The following MGAT4C variants were observed in gnomAD, a reference collection of about 807,000 sequenced individuals.
The protein encoded by MGAT4C is MGAT4 family member C, also known as alpha-1,3-mannosyl-glycoprotein 4-beta-N-acetylglucosaminyltransferase C.
Under a neutral mutation model 40.1 loss-of-function variants are expected in MGAT4C, and 19 were observed. That is an observed-to-expected ratio of 0.47 (90% confidence interval 0.33 to 0.70). The LOEUF (loss-of-function observed/expected upper bound fraction) is 0.70, where lower values mean the gene tolerates loss of function less well. MGAT4C is among the 30% of genes least tolerant of loss of function. MGAT4C has a pLI of 0.02. For missense variants in MGAT4C, 491 were observed against 563.2 expected (o/e 0.87, Z 1.30); for synonymous variants, 181 against 187.1 (o/e 0.97, Z 0.27).
chr12:86,672,698 A>T (rs1397441340), intron 2 of MGAT4C, among the ~76,000 whole-genome samples: 1 of 152,240 alleles, frequency 6.6e-6, no homozygotes, highest in Non-Finnish European at 1.5e-5. Context: ...ATAAGTGTAA[A>T]CTAAACATTG....
chr12:86,664,151 T>G (rs1964045126), intron 2 of MGAT4C, among the ~76,000 whole-genome samples: 1 of 151,958 alleles, frequency 6.6e-6, no homozygotes. Flanking sequence ...TTTTTTGTAC[T>G]TCAATGAACT....
intron 2 of MGAT4C, among the ~76,000 whole-genome samples, chr12:86,010,974 C>T (rs1021778837): frequency 6.6e-6 from 1 of 152,106 alleles, no homozygotes; most frequent in Non-Finnish European, 1.5e-5. Flanking sequence ...GAGGCCCTCA[C>T]CAGAAGCCAC....
intron 4 of MGAT4C, among the ~76,000 whole-genome samples, chr12:86,294,130 T>TAA (rs5799776): frequency 0.027 from 3,977 of 149,346 alleles, 79 homozygotes; most frequent in Middle Eastern, 0.059. Context: ...AAAACAATAT[T>TAA]AAAAAAAAAA....
chr12:86,579,643 G>T (rs1960703499), intron 2 of MGAT4C, among the ~76,000 whole-genome samples: 1 of 151,456 alleles, frequency 6.6e-6, no homozygotes. Flanking sequence ...ACTATTAGCT[G>T]TGAGTCTTGT....
chr12:86,443,703 C>G (rs1396074373), intron 2 of MGAT4C, among the ~76,000 whole-genome samples: 1 of 152,196 alleles, frequency 6.6e-6, no homozygotes, highest in Admixed American at 6.5e-5. Context: ...ACACCATTCT[C>G]CCGCCTCAGC....
At chr12:86,635,657 T>TTGTG (rs71309507) in intron 2 of MGAT4C, among the ~76,000 whole-genome samples, 4,718 of 147,306 alleles carry the variant, frequency 0.032, 117 homozygotes, top group African/African-American at 0.075. Context: ...TCTATATACA[T>TTGTG]TGTGTGTGTG....
intron 2 of MGAT4C, among the ~76,000 whole-genome samples, chr12:86,461,346 C>T (rs1288244394): frequency 6.6e-6 from 1 of 151,064 alleles, no homozygotes; most frequent in Admixed American, 6.6e-5. Context: ...CCCGGGTTCA[C>T]GCCATTCTCC....
intron 1 of MGAT4C, among the ~76,000 whole-genome samples, chr12:86,764,759 C>T (rs1267861041): frequency 6.6e-5 from 10 of 152,198 alleles, no homozygotes. Context: ...CAAACAGGGT[C>T]TGGAGTGGAC....
chr12:86,086,805 C>G lies in MGAT4C; in HGVS notation c.-56-37082G>C, dbSNP rs1031687773. ...GTATTTTTGTATTCATTTGTCATAC[C>G]CTCTTTACCCTCCTCTCCCATTACA... On this transcript the variant is annotated intron_variant, in intron 1 of 4. Transcript: ENST00000611864. Among the ~76,000 whole-genome samples, 16 of 151,516 alleles carry G rather than the reference C, an allele frequency of 1.1e-4. No individual in the cohort carries two copies. The East Asian group carries it at 3.1e-3, about 29-fold the overall frequency.
At chr12:86,516,394 T>C (rs138573635) in intron 2 of MGAT4C, among the ~76,000 whole-genome samples, 1 of 152,268 alleles carries the variant, frequency 6.6e-6, no homozygotes, top group East Asian at 1.9e-4. Flanking sequence ...TAGTTATCCA[T>C]GGCAAAATAC....
intron 1 of MGAT4C, among the ~76,000 whole-genome samples, chr12:86,195,402 A>G (rs968282557): frequency 6.6e-6 from 1 of 152,180 alleles, no homozygotes; most frequent in Non-Finnish European, 1.5e-5. Context: ...CAGTAAGTAA[A>G]CAAGGTATTT....
At chr12:86,694,049 C>T (rs1950213966) in intron 2 of MGAT4C, among the ~76,000 whole-genome samples, 1 of 152,134 alleles carries the variant, frequency 6.6e-6, no homozygotes, top group African/African-American at 2.4e-5. Context: ...ACACTTTTAA[C>T]ATGTAGCTTC....
intron 1 of MGAT4C, among the ~76,000 whole-genome samples, chr12:86,178,017 A>G (rs1029392809): frequency 3.3e-5 from 5 of 152,084 alleles, no homozygotes; most frequent in African/African-American, 1.2e-4. Context: ...GCTCACTGCA[A>G]GCTCCGCCTC....
intron 1 of MGAT4C, among the ~76,000 whole-genome samples, chr12:86,062,755 AGC>A (rs368610549): frequency 6.5e-4 from 99 of 152,042 alleles, no homozygotes; most frequent in African/African-American, 2.4e-3. Context: ...AAATTGATCA[AGC>A]AGAAGAAAGG....
chr12:86,518,525 A>C (rs151322382), intron 2 of MGAT4C, among the ~76,000 whole-genome samples: 360 of 152,340 alleles, frequency 2.4e-3, no homozygotes, highest in African/African-American at 8.3e-3. Context: ...AACTCATAAA[A>C]TTCAATAGCA....
chr12:86,677,867 C>T (rs1949897025), intron 2 of MGAT4C, among the ~76,000 whole-genome samples: 1 of 152,086 alleles, frequency 6.6e-6, no homozygotes, highest in Non-Finnish European at 1.5e-5. Context: ...AAGCAAACGA[C>T]TAAAACTGTT....
chr12:86,574,626 T>C (rs1368132509), intron 2 of MGAT4C, among the ~76,000 whole-genome samples: 1 of 151,820 alleles, frequency 6.6e-6, no homozygotes, highest in Non-Finnish European at 1.5e-5. Flanking sequence ...ATCTAGTTAT[T>C]TGGTTCATAA....
chr12:86,275,872 C>G (rs1456658613), intron 4 of MGAT4C, among the ~76,000 whole-genome samples: 1 of 137,768 alleles, frequency 7.3e-6, no homozygotes, highest in African/African-American at 2.7e-5. Flanking sequence ...GAGGCCGAGG[C>G]GGCGGATCAC....
chr12:86,647,734 T>C (rs17704783), intron 2 of MGAT4C, among the ~76,000 whole-genome samples: 4,095 of 151,972 alleles, frequency 0.027, 89 homozygotes, highest in Middle Eastern at 0.076. Flanking sequence ...GACTAAATTC[T>C]ACATGTCAAG....
Sources: gnomAD v4.1 joint callset for allele counts (sites outside exome capture counted in the v4.1 genomes callset) on GRCh38, gnomAD v4.1.1 for gene constraint, MANE v1.5 for transcripts, NCBI Gene and HGNC (gene_info 2026-07-23, HGNC 2026-07-21) for gene names.